Variants in PRKAA1 observed in about 807,000 individuals in gnomAD.
PRKAA1 encodes protein kinase AMP-activated catalytic subunit alpha 1.
A neutral mutation model predicts 56.9 loss-of-function variants in PRKAA1; 23 were observed. That is an observed-to-expected ratio of 0.40 (90% CI 0.29 to 0.57). The LOEUF is 0.57. Ranked by LOEUF, PRKAA1 falls within the 20% of genes least tolerant of loss-of-function variation. PRKAA1 has a pLI of 0.39. For missense variants in PRKAA1, 413 were observed against 679.7 expected, an observed-to-expected ratio of 0.61 and a Z score of 4.36; for synonymous variants, 226 against 227.0, an observed-to-expected ratio of 1.00 and a Z score of 0.04.
chr5:40,783,592 C>T (rs1278248593), intron 1 of PRKAA1, among the ~76,000 whole-genome samples: 1 of 151,964 alleles, frequency 6.6e-6, no homozygotes, highest in Non-Finnish European at 1.5e-5. Context: ...CCCATCTCTA[C>T]TAAAAATACA....
chr5:40,768,305 T>A, intron 5 of PRKAA1: 1 of 428,762 alleles, frequency 2.3e-6, no homozygotes, highest in Non-Finnish European at 3.1e-6. Flanking sequence ...AAGTAAAAGT[T>A]CTCATACACC....
intron 1 of PRKAA1, among the ~76,000 whole-genome samples, chr5:40,797,766 C>A (rs1744996784): frequency 6.6e-6 from 1 of 152,274 alleles, no homozygotes; most frequent in South Asian, 2.1e-4. Flanking sequence ...CGCCCGCCTG[C>A]CCCACCTGGG....
At chr5:40,776,964 A>AG (rs1482576352) in intron 2 of PRKAA1, 1 of 152,788 alleles carries the variant, frequency 6.5e-6, no homozygotes, top group Non-Finnish European at 1.5e-5. Flanking sequence ...ACATGAACAC[A>AG]GGCTTAAATG....
At chr5:40,772,123 C>T (rs1272245882) in intron 3 of PRKAA1, among the ~76,000 whole-genome samples, 1 of 152,216 alleles carries the variant, frequency 6.6e-6, no homozygotes, top group East Asian at 1.9e-4. Context: ...TTGCCTTCCT[C>T]TATATCTCAT....
chr5:40,793,249 AG>A (rs1744789832), intron 1 of PRKAA1, among the ~76,000 whole-genome samples: 2 of 152,072 alleles, frequency 1.3e-5, no homozygotes, highest in African/African-American at 4.8e-5. Context: ...TTTTGGGCAG[AG>A]GGAAGGCCCA....
chr5:40,797,607 C>T (rs533044512), intron 1 of PRKAA1, among the ~76,000 whole-genome samples: 1 of 152,342 alleles, frequency 6.6e-6, no homozygotes, highest in Admixed American at 6.5e-5. Flanking sequence ...CAGCCTCCTA[C>T]AGAGGACGGA....
chr5:40,786,595 G>C (rs1273657545), intron 1 of PRKAA1, among the ~76,000 whole-genome samples: 1 of 151,452 alleles, frequency 6.6e-6, no homozygotes, highest in African/African-American at 2.4e-5. Flanking sequence ...TTAGTAATTA[G>C]AAGACAGGCC....
chr5:40,793,659 G>A (rs1351308366), intron 1 of PRKAA1, among the ~76,000 whole-genome samples: 1 of 151,802 alleles, frequency 6.6e-6, no homozygotes, highest in Non-Finnish European at 1.5e-5. Flanking sequence ...GCATAATTAA[G>A]GCTGTTGGTG....
chr5:40,782,705 T>G (rs1744311067), intron 1 of PRKAA1, among the ~76,000 whole-genome samples: 1 of 151,962 alleles, frequency 6.6e-6, no homozygotes, highest in African/African-American at 2.4e-5. Context: ...GATGGGAAAT[T>G]TTATAGAACA....
intron 3 of PRKAA1, among the ~76,000 whole-genome samples, chr5:40,775,196 G>T (rs1042722906): frequency 6.6e-6 from 1 of 152,176 alleles, no homozygotes; most frequent in African/African-American, 2.4e-5. Context: ...CATATAAGCC[G>T]CGAGGCTCAG....
Position 40,775,402 on chromosome 5 carries a change from C to G in PRKAA1, c.363+8G>C, listed in dbSNP as rs1743953462. On this transcript the variant is annotated splice_region_variant and intron_variant, in intron 3 of 8. Coordinates refer to ENST00000397128, the MANE Select transcript of PRKAA1 (RefSeq NM_006251.6). ...AAATACATACAGAATTAAAGCAGAA[C>G]AGCTTACCCTTCCATTCTTACAGAT... 1.3e-6 allele frequency: 2 copies of G among 1,574,656 alleles called. No homozygotes were observed. Among genetic ancestry groups the G allele is most frequent in the East Asian group, 4.5e-5 (2 of 44,600 alleles).
At position 40,765,126 on chromosome 5, in the gene PRKAA1, C is replaced by G; in HGVS notation, c.934G>C (p.Glu312Gln). The G allele has an allele frequency of 6.2e-7, 1 of 1,614,130 alleles. No homozygotes were observed. Reference sequence around the variant, plus strand: ...CTGAGAACTTCCTCTTCTGAGCACTCAAACTTTTCACATACTTCTTTTAAG... The same window carrying G: ...CTGAGAACTTCCTCTTCTGAGCACTGAAACTTTTCACATACTTCTTTTAAG... ...EALKEVCEKF[E>Q]CSEEEVLSCL... Residue 312 changes from glutamate to glutamine, a missense_variant, in exon 7 of 9, where the codon GAG (glutamate) becomes CAG (glutamine). By Grantham distance (29) the Glu-to-Gln change is conservative. Around this residue, in one of 9 missense-constraint regions of PRKAA1, gnomAD observed 113 missense variants for 198.6 expected, o/e 0.57. Transcript: ENST00000397128.
intron 4 of PRKAA1, among the ~76,000 whole-genome samples, chr5:40,769,877 TTA>T (rs1491502578): frequency 8.7e-6 from 1 of 114,870 alleles, no homozygotes; most frequent in African/African-American, 3.6e-5. Flanking sequence ...TTCTGATTCT[TTA>T]AAAAAAAAAA....
chr5:40,778,301 G>A (rs1429974324), intron 1 of PRKAA1, among the ~76,000 whole-genome samples: 5 of 152,148 alleles, frequency 3.3e-5, no homozygotes, highest in African/African-American at 9.7e-5. Flanking sequence ...TAGTCATCTA[G>A]CATCCTCAGA....
In PRKAA1 at chr5:40,798,049, C is replaced by G; in HGVS notation, c.127+14G>C. ...CCTCAGCTGGGGCCAAGCCTAGTCC[C>G]GCGGGGTTCTCACCCTTCACTTTGC... On this transcript the variant is annotated intron_variant, in intron 1 of 8. Coordinates refer to ENST00000397128, the MANE Select transcript of PRKAA1 (RefSeq NM_006251.6). The G allele has an allele frequency of 6.2e-7, 1 of 1,607,228 alleles. No homozygotes were observed. The highest frequency in any genetic ancestry group is 8.5e-7 in the Non-Finnish European group (1 of 1,176,056).
Position 40,762,080 on chromosome 5 carries a change from G to A in PRKAA1, c.*698C>T, listed in dbSNP as rs1407746164. On this transcript the variant is annotated 3_prime_UTR_variant, in exon 9 of 9. Transcript: ENST00000397128. ...GCGGTCAGGAGTTCGAGACCAGCCT[G>A]GGCAACATAGTGAAACCCCGTCTAC... 1.3e-5 allele frequency: 2 copies of A among 152,078 alleles called. No homozygotes were observed. Among genetic ancestry groups the A allele is most frequent in the African/African-American group, 4.8e-5 (2 of 41,354 alleles). 9.4% of individuals were successfully genotyped at this position (152,078 alleles called of 1,614,324 possible).
At chr5:40,786,786 CAAAAA>C (rs34749478) in intron 1 of PRKAA1, among the ~76,000 whole-genome samples, 8 of 43,506 alleles carry the variant, frequency 1.8e-4, no homozygotes, top group African/African-American at 6.3e-4. Context: ...ACTAAAAATA[CAAAAA>C]AAAAAAAAAA....
rs138218754 is a variant in PRKAA1, at chr5:40,789,150, G to A, written c.127+8913C>T. 2.9e-3 allele frequency among the ~76,000 whole-genome samples: 446 copies of A among 152,050 alleles called. 3 individuals are homozygous for A. Among genetic ancestry groups the A allele is most frequent in the African/African-American group, 0.01 (433 of 41,462 alleles). The stretch of plus-strand genomic sequence containing the variant: ...CGCTTGAGCCCAGGAGGTCAAGGCT[G>A]CAGTGAGCCATGATCATGCCACTGC... On this transcript the variant is annotated intron_variant, in intron 1 of 8. Coordinates refer to ENST00000397128, the MANE Select transcript of PRKAA1 (RefSeq NM_006251.6).
chr5:40,779,509 A>C (rs1744173722), intron 1 of PRKAA1, among the ~76,000 whole-genome samples: 1 of 152,222 alleles, frequency 6.6e-6, no homozygotes, highest in Non-Finnish European at 1.5e-5. Context: ...AGGTATACTA[A>C]CAACCATTGC....
Sources: allele counts gnomAD v4.1 joint callset (sites outside exome capture counted in the v4.1 genomes callset), GRCh38; gene constraint gnomAD v4.1.1; regional missense constraint gnomAD v4.1.1; transcripts MANE v1.5; gene names NCBI Gene and HGNC (gene_info 2026-07-23, HGNC 2026-07-21).